The following OXR1 variants were observed in gnomAD, a reference collection of about 807,000 sequenced individuals.
OXR1 encodes the protein oxidation resistance protein 1.
Under a neutral mutation model 104.6 loss-of-function variants are expected in OXR1, and 41 were observed. The ratio of observed to expected loss-of-function variants is 0.39; its 90% CI spans 0.31 to 0.51. The LOEUF (loss-of-function observed/expected upper bound fraction) is 0.51. Ranked by LOEUF, OXR1 falls within the 20% of genes least tolerant of loss-of-function variation. The probability of loss-of-function intolerance (pLI) is 0.77; values close to 1 mark genes in which losing one functional copy is unlikely to be tolerated. For synonymous variants in OXR1, 348 were observed against 348.4 expected (o/e 1.00, Z 0.01); for missense variants, 955 against 1,031.9 (o/e 0.93, Z 1.02).
Position 106,552,355 on chromosome 8 carries a change from TG to T in OXR1, c.220+33217del. On this transcript the variant is annotated intron_variant, in intron 3 of 16. Transcript: ENST00000517566. The stretch of plus-strand genomic sequence containing the variant: ...TCTATTCTAAGTAGTCCCATTTCTA[TG>T]TATCAAATGAATAAATTTTGTTCTT... Among the ~76,000 whole-genome samples the T allele has an allele frequency of 3.9e-5, 6 of 152,256 alleles. 1 individual carries two copies. Among genetic ancestry groups the T allele is most frequent in the Admixed American group, 3.9e-4 (6 of 15,294 alleles).
intron 10 of OXR1, among the ~76,000 whole-genome samples, chr8:106,712,244 A>T (rs974821937): frequency 2.4e-4 from 36 of 152,052 alleles, no homozygotes; most frequent in African/African-American, 7.0e-4. Flanking sequence ...TCAGTGGACA[A>T]CTCCATTGAA....
chr8:106,653,083 A>AATATAT (rs71307081), intron 3 of OXR1, among the ~76,000 whole-genome samples: 108 of 137,144 alleles, frequency 7.9e-4, no homozygotes, highest in South Asian at 1.8e-3. Flanking sequence ...AAAAAAAAAA[A>AATATAT]ATATATATAT....
chr8:106,642,476 A>T (rs1048286502), intron 3 of OXR1, among the ~76,000 whole-genome samples: 4 of 152,178 alleles, frequency 2.6e-5, no homozygotes, highest in African/African-American at 4.8e-5. Flanking sequence ...TATTTAATAA[A>T]TGGCTTCTCA....
intron 3 of OXR1, among the ~76,000 whole-genome samples, chr8:106,669,797 T>C (rs1420307167): frequency 1.3e-5 from 2 of 152,192 alleles, no homozygotes; most frequent in African/African-American, 2.4e-5. Flanking sequence ...TCCATTTCTT[T>C]ACCAAAATGA....
chr8:106,423,840 T>A (rs1289744591), intron 2 of OXR1, among the ~76,000 whole-genome samples: 2 of 152,196 alleles, frequency 1.3e-5, no homozygotes, highest in African/African-American at 4.8e-5. Flanking sequence ...TCATATCACT[T>A]TAGCTAAAAT....
intron 3 of OXR1, among the ~76,000 whole-genome samples, chr8:106,545,006 G>C (rs138995742): frequency 6.6e-6 from 1 of 152,136 alleles, no homozygotes; most frequent in East Asian, 1.9e-4. Flanking sequence ...TGGCACTAAC[G>C]TCATTTTGGG....
chr8:106,413,851 G>A (rs1818562103), intron 2 of OXR1, among the ~76,000 whole-genome samples: 2 of 151,838 alleles, frequency 1.3e-5, no homozygotes, highest in African/African-American at 4.8e-5. Context: ...AGCCTCCAGA[G>A]TAGCTGGGAT....
intron 2 of OXR1, among the ~76,000 whole-genome samples, chr8:106,458,608 CA>C (rs1820738011): frequency 6.6e-6 from 1 of 152,058 alleles, no homozygotes; most frequent in South Asian, 2.1e-4. Flanking sequence ...GTAGAGCTAC[CA>C]GCTTGCAGCA....
intron 7 of OXR1, among the ~76,000 whole-genome samples, chr8:106,694,377 CTG>C (rs1829614784): frequency 7.1e-6 from 1 of 140,712 alleles, no homozygotes; most frequent in African/African-American, 2.6e-5. Context: ...TTTTATTTAT[CTG>C]TTTTTGCCAT....
chr8:106,433,856 G>T (rs28620840), intron 2 of OXR1, among the ~76,000 whole-genome samples: 34,396 of 152,046 alleles, frequency 0.23, 5,406 homozygotes, highest in African/African-American at 0.42. Flanking sequence ...AGGAACATTC[G>T]TTTAAAGATA....
At chr8:106,442,877 AT>A (rs1010709666) in intron 2 of OXR1, among the ~76,000 whole-genome samples, 1 of 151,786 alleles carries the variant, frequency 6.6e-6, no homozygotes, top group East Asian at 1.9e-4. Flanking sequence ...CTGCATTAAG[AT>A]TTTTTGGAGG....
intron 2 of OXR1, 44 bp from the exon 3 acceptor site, chr8:106,518,899 C>T: frequency 7.2e-7 from 1 of 1,385,052 alleles, no homozygotes; most frequent in African/African-American, 1.5e-5. Context: ...ACAAATGTGT[C>T]TCTAGAATCA....
At chr8:106,371,610 T>C (rs997605880) in intron 2 of OXR1, among the ~76,000 whole-genome samples, 2 of 152,208 alleles carry the variant, frequency 1.3e-5, no homozygotes, top group African/African-American at 4.8e-5. Context: ...TTCTCATTGG[T>C]TTCAAAGAAC....
intron 2 of OXR1, among the ~76,000 whole-genome samples, chr8:106,375,065 G>A (rs898508498): frequency 2.6e-5 from 4 of 152,222 alleles, no homozygotes; most frequent in Non-Finnish European, 1.5e-5. Flanking sequence ...ACTAAGTGAC[G>A]TCCCTGTGTG....
At chr8:106,702,725 GA>G (rs1830695190) in intron 7 of OXR1, among the ~76,000 whole-genome samples, 180 bp from the exon 8 acceptor site, 1 of 152,136 alleles carries the variant, frequency 6.6e-6, no homozygotes, top group Non-Finnish European at 1.5e-5. Flanking sequence ...CTCTCCTAAA[GA>G]GGAGAATTTA....
At chr8:106,270,799 G>C (rs543010798) in intron 1 of OXR1, among the ~76,000 whole-genome samples, 1 of 152,092 alleles carries the variant, frequency 6.6e-6, no homozygotes, top group South Asian at 2.1e-4. Flanking sequence ...GAGGGCAAGC[G>C]TGTCTTGAAC....
intron 1 of OXR1, among the ~76,000 whole-genome samples, chr8:106,324,531 G>T (rs1395935204): frequency 6.9e-6 from 1 of 144,288 alleles, no homozygotes; most frequent in Admixed American, 6.8e-5. Context: ...AAGGAAAGGA[G>T]GTTCTATACA....
chr8:106,695,939 T>C (rs12548149), intron 7 of OXR1, among the ~76,000 whole-genome samples: 18,381 of 152,168 alleles, frequency 0.12, 1,412 homozygotes, highest in East Asian at 0.33. Flanking sequence ...CATCTTGCTT[T>C]TGTGTGCTAT....
rs756908670 is a variant in OXR1 at position 106,448,030 on chromosome 8, A to G, written c.24-70913A>G. 6.5e-6 allele frequency: 10 copies of G among 1,535,736 alleles called. No individual in the cohort carries two copies. The East Asian group carries it at 2.4e-4, about 38-fold the overall frequency. On this transcript the variant is annotated intron_variant, in intron 2 of 16. Coordinates refer to ENST00000517566, the MANE Select transcript of OXR1 (RefSeq NM_001198533.2). ...CTGCCTGCCTGCACAGAAATGACGA[A>G]GGACAAAAACAGCCCAGGGTAGGTG... is the stretch of plus-strand genomic sequence containing the variant.
Sources: allele counts gnomAD v4.1 joint callset (sites outside exome capture counted in the v4.1 genomes callset), GRCh38; gene constraint gnomAD v4.1.1; transcripts MANE v1.5; gene names NCBI Gene and HGNC (gene_info 2026-07-23, HGNC 2026-07-21).